ZMYM4: variants seen among roughly 807,000 people sequenced by gnomAD.
ZMYM4 encodes zinc finger MYM-type protein 4.
ZMYM4 carries 31 observed loss-of-function variants against 183.2 expected under a neutral mutation model. The observed-to-expected ratio is 0.17, with a 90% CI of 0.13 to 0.23. The LOEUF is 0.23. Among genes scored for constraint, ZMYM4 ranks in the 10% least tolerant of loss-of-function variants. The pLI is 1.00. For missense variants in ZMYM4, 1,273 were observed against 1,840.3 expected (o/e 0.69, Z 5.64); for synonymous variants, 592 against 631.2 (o/e 0.94, Z 0.93).
At chr1:35,323,117 G>A (rs892856149) in intron 1 of ZMYM4, among the ~76,000 whole-genome samples, 8 of 148,318 alleles carry the variant, frequency 5.4e-5, no homozygotes, top group African/African-American at 1.2e-4. Flanking sequence ...CTCCTGCCTC[G>A]CAGCCTCCCA....
At chr1:35,329,489 G>A (rs1346281492) in intron 2 of ZMYM4, among the ~76,000 whole-genome samples, 3 of 152,070 alleles carry the variant, frequency 2.0e-5, no homozygotes, top group African/African-American at 7.2e-5. Context: ...TCATTAAATG[G>A]CTCTAAGATA....
In ZMYM4 at chr1:35,394,162, C is replaced by CTTTTTTTTTTTTT. The variant is rs34277367; in HGVS notation, c.2911+441_2911+453dup. 1.6e-3 allele frequency among the ~76,000 whole-genome samples: 107 copies of CTTTTTTTTTTTTT among 68,424 alleles called. 12 individuals are homozygous for CTTTTTTTTTTTTT. The East Asian group carries it at 0.023, about 15-fold the overall frequency. The allele number at this position is 68,424 out of a possible 152,430, so 44.9% of individuals were successfully genotyped here. ...CCTTTGAGGAGAGCTTCAGAGCTTTCTTTTTTTTTTTTTTTTTTTTTTTTT... is the reference window on the plus strand; with the variant it reads ...CCTTTGAGGAGAGCTTCAGAGCTTTCTTTTTTTTTTTTTTTTTTTTTTTTTTTTTTTTTTTTTT... On this transcript the variant is annotated intron_variant, in intron 18 of 29. Coordinates refer to ENST00000314607, the MANE Select transcript of ZMYM4 (RefSeq NM_005095.3).
At chr1:35,384,435 A>G (rs1644529412) in intron 9 of ZMYM4, among the ~76,000 whole-genome samples, 1 of 152,188 alleles carries the variant, frequency 6.6e-6, no homozygotes, top group Admixed American at 6.5e-5. Context: ...TTGGTGCTGG[A>G]CGTACTTTAA....
chr1:35,384,288 G>A (rs72897144), intron 9 of ZMYM4, among the ~76,000 whole-genome samples: 45 of 152,280 alleles, frequency 3.0e-4, no homozygotes, highest in African/African-American at 1.1e-3. Context: ...TCATTAGGGA[G>A]GAGAGGGAAA....
chr1:35,388,337 TGGGACTACA>T (rs1360760342), intron 13 of ZMYM4, among the ~76,000 whole-genome samples: 12 of 152,162 alleles, frequency 7.9e-5, no homozygotes, highest in African/African-American at 2.9e-4. Flanking sequence ...CCCGAGTAGC[TGGGACTACA>T]GGCACCCGCC....
intron 7 of ZMYM4, among the ~76,000 whole-genome samples, chr1:35,380,233 GGATGTA>G (rs1290167957): frequency 6.6e-6 from 1 of 152,044 alleles, no homozygotes; most frequent in East Asian, 1.9e-4. Flanking sequence ...ACTATTATGT[GGATGTA>G]TACTCATGGG....
intron 1 of ZMYM4, among the ~76,000 whole-genome samples, chr1:35,295,016 G>A (rs1157848766): frequency 6.6e-6 from 1 of 152,150 alleles, no homozygotes; most frequent in East Asian, 1.9e-4. Flanking sequence ...AAGTGTTTGA[G>A]TGCCTGTTAT....
chr1:35,403,042 TCTC>T (rs1014572999), intron 23 of ZMYM4, among the ~76,000 whole-genome samples: 2 of 152,208 alleles, frequency 1.3e-5, no homozygotes, highest in African/African-American at 4.8e-5. Context: ...AAGTTCCCCT[TCTC>T]CTTTTAATTT....
chr1:35,302,036 A>G (rs1641301256), intron 1 of ZMYM4, among the ~76,000 whole-genome samples: 1 of 151,852 alleles, frequency 6.6e-6, no homozygotes, highest in Non-Finnish European at 1.5e-5. Flanking sequence ...AGGTAAATCC[A>G]CTCTCTGTTA....
At chr1:35,272,966 G>A (rs1294908510) in intron 1 of ZMYM4, among the ~76,000 whole-genome samples, 5 of 152,112 alleles carry the variant, frequency 3.3e-5, no homozygotes, top group South Asian at 2.1e-4. Flanking sequence ...CACCCGCCTC[G>A]GCCTCCCAAA....
intron 2 of ZMYM4, among the ~76,000 whole-genome samples, chr1:35,334,349 C>T (rs957974170): frequency 1.3e-5 from 2 of 152,074 alleles, no homozygotes; most frequent in African/African-American, 2.4e-5. Context: ...TAATACCTCA[C>T]ATTTCCACCA....
intron 7 of ZMYM4, among the ~76,000 whole-genome samples, chr1:35,376,828 T>C (rs898783696): frequency 6.6e-6 from 1 of 151,842 alleles, no homozygotes; most frequent in Non-Finnish European, 1.5e-5. Context: ...ACCCGGCCTA[T>C]AGTATTTTAA....
At chr1:35,350,040 G>T (rs1000913294) in intron 2 of ZMYM4, among the ~76,000 whole-genome samples, 1 of 151,034 alleles carries the variant, frequency 6.6e-6, no homozygotes, top group Non-Finnish European at 1.5e-5. Flanking sequence ...ATAACTCACT[G>T]CAGCCTTCAA....
Position 35,370,056 on chromosome 1 carries a change from A to AT in ZMYM4, c.868_869insT (p.Thr290IlefsTer9). 1 of 1,613,132 alleles carries AT rather than the reference A, an allele frequency of 6.2e-7. No homozygotes were observed. The highest frequency in any genetic ancestry group is 8.5e-7 in the Non-Finnish European group (1 of 1,179,478). On this transcript the variant is annotated frameshift_variant, in exon 6 of 30. Transcript: ENST00000314607. LOFTEE classifies it high-confidence loss of function. ...GTATAGTCATGGCCAACAGCAAAAA[A>AT]CTCAAGAGGGGGAACTGAAAATTAG...
At chr1:35,293,747 GAGAA>G (rs1640873898) in intron 1 of ZMYM4, among the ~76,000 whole-genome samples, 3 of 152,152 alleles carry the variant, frequency 2.0e-5, no homozygotes, top group Non-Finnish European at 4.4e-5. Flanking sequence ...CGAAGCCAAG[GAGAA>G]AGAGTAGAAG....
At chr1:35,353,074 A>C (rs1324844634) in intron 2 of ZMYM4, among the ~76,000 whole-genome samples, 1 of 152,172 alleles carries the variant, frequency 6.6e-6, no homozygotes, top group South Asian at 2.1e-4. Context: ...TAGTGTTCCT[A>C]TCTCAGGAAA....
intron 1 of ZMYM4, among the ~76,000 whole-genome samples, chr1:35,313,555 A>AT (rs1557979241): frequency 1.3e-5 from 2 of 151,306 alleles, no homozygotes; most frequent in East Asian, 3.9e-4. Flanking sequence ...CACCCGGCTA[A>AT]TTTTTTGTAT....
chr1:35,270,621 G>T (rs1337057591), intron 1 of ZMYM4, among the ~76,000 whole-genome samples: 1 of 152,064 alleles, frequency 6.6e-6, no homozygotes, highest in African/African-American at 2.4e-5. Context: ...TTAACCCGGC[G>T]TGGTGGCGGG....
At chr1:35,361,092 G>A in intron 3 of ZMYM4, 102 bp from the exon 4 acceptor site, 1 of 1,017,182 alleles carries the variant, frequency 9.8e-7, no homozygotes, top group Non-Finnish European at 1.4e-6. Context: ...ATCTTTGTTG[G>A]AAAAGAGAGG....
Sources: allele counts gnomAD v4.1 joint callset (sites outside exome capture counted in the v4.1 genomes callset), GRCh38; gene constraint gnomAD v4.1.1; transcripts MANE v1.5; gene names NCBI Gene and HGNC (gene_info 2026-07-23, HGNC 2026-07-21).